The following PPP4R2 variants were observed in gnomAD, a reference collection of about 807,000 sequenced individuals.
PPP4R2 encodes protein phosphatase 4 regulatory subunit 2.
Under a neutral mutation model 47.2 loss-of-function variants are expected in PPP4R2, and 13 were observed. That is an observed-to-expected ratio of 0.28 (90% CI 0.18 to 0.44). PPP4R2 has a LOEUF of 0.44. Among genes scored for constraint, PPP4R2 ranks in the 20% least tolerant of loss-of-function variants. The probability of loss-of-function intolerance (pLI) is 1.00; values close to 1 mark genes in which losing one functional copy is unlikely to be tolerated. For synonymous variants in PPP4R2, 151 were observed against 163.3 expected, an observed-to-expected ratio of 0.92 and a Z score of 0.57; for missense variants, 421 against 491.2, an observed-to-expected ratio of 0.86 and a Z score of 1.35.
At chr3:73,027,996 C>T (rs901229916) in intron 2 of PPP4R2, 9 of 149,876 alleles carry the variant, frequency 6.0e-5, no homozygotes, top group African/African-American at 2.2e-4. Flanking sequence ...GTGAGTCACG[C>T]CTCTAATTCC....
At position 73,064,141 on chromosome 3, in the gene PPP4R2, T is replaced by C. The variant is rs369014599; in HGVS notation, c.633T>C (p.Asn211=). 30 of 1,604,772 alleles carry C rather than the reference T, an allele frequency of 1.9e-5. No individual in the cohort carries two copies. Among genetic ancestry groups the C allele is most frequent in the Non-Finnish European group, 2.5e-5 (29 of 1,177,604 alleles). The change falls in exon 7 of 9, where the codon AAT becomes AAC. Residue 211 remains asparagine (N), a synonymous_variant. Coordinates refer to ENST00000356692, the MANE Select transcript of PPP4R2 (RefSeq NM_174907.4). ...ATTTGCAGCAAAATGAGGAGAAAAA[T>C]CACAGGTTTGTATGTTTTATATTTA... ...EANLQQNEEK[N]HSDSSTSESE... is the part of the protein sequence containing the mutation.
At chr3:72,996,767 G>GGGAGCGAGGACGGCGGCA, upstream of PPP4R2, 3 of 335,582 alleles carry the variant, frequency 8.9e-6, no homozygotes, top group Non-Finnish European at 1.6e-5. Flanking sequence ...AGCGCGCGGC[G>GGGAGCGAGGACGGCGGCA]GGAGCGAGGA....
intron 3 of PPP4R2, among the ~76,000 whole-genome samples, chr3:73,054,981 A>G (rs940506783): frequency 6.6e-6 from 1 of 152,154 alleles, no homozygotes; most frequent in East Asian, 1.9e-4. Context: ...TTGAATTTCC[A>G]TAGCTTTTAG....
chr3:73,063,132 G>A (rs1447807569), intron 5 of PPP4R2: 5 of 513,548 alleles, frequency 9.7e-6, no homozygotes, highest in Admixed American at 7.8e-5. Flanking sequence ...TAGCAACAGC[G>A]GCAAACTACT....
At chr3:73,019,051 C>T (rs1433880367) in intron 2 of PPP4R2, among the ~76,000 whole-genome samples, 1 of 152,110 alleles carries the variant, frequency 6.6e-6, no homozygotes, top group African/African-American at 2.4e-5. Flanking sequence ...ACATTTTAGT[C>T]ATCGATGGAC....
At chr3:73,045,701 A>AT (rs1314896626) in intron 2 of PPP4R2, among the ~76,000 whole-genome samples, 1 of 151,744 alleles carries the variant, frequency 6.6e-6, no homozygotes, top group Non-Finnish European at 1.5e-5. Context: ...TAATTTTTGT[A>AT]TTTTTAGTAA....
intron 2 of PPP4R2, among the ~76,000 whole-genome samples, chr3:73,016,727 T>C (rs1701839589): frequency 7.9e-6 from 1 of 127,072 alleles, no homozygotes; most frequent in African/African-American, 3.0e-5. Flanking sequence ...TATTGGTTCA[T>C]TGTTTATTTT....
At position 73,017,372 on chromosome 3, in the gene PPP4R2, T is replaced by A. The variant is rs1384392065; in HGVS notation, c.116+19214T>A. On this transcript the variant is annotated intron_variant, in intron 2 of 8. Coordinates refer to ENST00000356692, the MANE Select transcript of PPP4R2 (RefSeq NM_174907.4). ...TCTGCCTGTTGTAGCCTGGAAGCTGTGTGTATTTTACAGTCCAGGTCACAG... is the reference window on the plus strand; with the variant it reads ...TCTGCCTGTTGTAGCCTGGAAGCTGAGTGTATTTTACAGTCCAGGTCACAG... 2.0e-5 allele frequency among the ~76,000 whole-genome samples: 3 copies of A among 152,126 alleles called. No homozygotes were observed. The East Asian group carries it at 5.8e-4, about 29-fold the overall frequency.
At chr3:73,007,736 G>A (rs536912885) in intron 2 of PPP4R2, among the ~76,000 whole-genome samples, 2 of 152,284 alleles carry the variant, frequency 1.3e-5, no homozygotes, top group African/African-American at 4.8e-5. Context: ...TGATCGACCC[G>A]TCTCGGCTTC....
At chr3:73,008,044 C>A (rs932614549) in intron 2 of PPP4R2, among the ~76,000 whole-genome samples, 1 of 149,574 alleles carries the variant, frequency 6.7e-6, no homozygotes, top group Non-Finnish European at 1.5e-5. Flanking sequence ...CCCCCACCCC[C>A]CCTCCCATAA....
intron 2 of PPP4R2, among the ~76,000 whole-genome samples, chr3:73,003,919 C>G (rs1043655881): frequency 2.6e-5 from 4 of 152,130 alleles, no homozygotes; most frequent in African/African-American, 9.7e-5. Flanking sequence ...GGGCTGGTCT[C>G]GAACTCCTGA....
intron 2 of PPP4R2, among the ~76,000 whole-genome samples, chr3:73,023,788 C>G (rs1211914323): frequency 6.6e-6 from 1 of 151,768 alleles, no homozygotes; most frequent in East Asian, 1.9e-4. Context: ...AAAAAGTCAC[C>G]GTGAAAAATG....
At chr3:73,016,302 TTC>T (rs1266820981) in intron 2 of PPP4R2, among the ~76,000 whole-genome samples, 2 of 152,170 alleles carry the variant, frequency 1.3e-5, no homozygotes, top group Non-Finnish European at 2.9e-5. Context: ...ATAGCAGTGG[TTC>T]TAAACCAGGG....
At chr3:73,039,036 T>G (rs1702323727) in intron 2 of PPP4R2, among the ~76,000 whole-genome samples, 1 of 152,232 alleles carries the variant, frequency 6.6e-6, no homozygotes, top group Admixed American at 6.5e-5. Context: ...GATAGAAGTT[T>G]ATGAGCAAGA....
At chr3:73,024,404 G>A (rs1029257477) in intron 2 of PPP4R2, among the ~76,000 whole-genome samples, 2 of 152,244 alleles carry the variant, frequency 1.3e-5, no homozygotes, top group South Asian at 2.1e-4. Flanking sequence ...AGAGGATCTT[G>A]TACATTCTGT....
At chr3:73,052,207 A>C (rs1702628771) in intron 3 of PPP4R2, among the ~76,000 whole-genome samples, 1 of 151,898 alleles carries the variant, frequency 6.6e-6, no homozygotes, top group Non-Finnish European at 1.5e-5. Flanking sequence ...CTATTGAGGC[A>C]TAGAAGAATC....
intron 2 of PPP4R2, among the ~76,000 whole-genome samples, chr3:73,023,662 C>T (rs1037287110): frequency 6.6e-6 from 1 of 152,170 alleles, no homozygotes; most frequent in Non-Finnish European, 1.5e-5. Context: ...GAAGACATGA[C>T]AGTCCCTCCA....
intron 2 of PPP4R2, among the ~76,000 whole-genome samples, chr3:72,999,273 T>G (rs1271931038): frequency 1.3e-5 from 2 of 152,222 alleles, no homozygotes; most frequent in Non-Finnish European, 2.9e-5. Context: ...CATTTTTACC[T>G]TCGCATTAGG....
intron 2 of PPP4R2, among the ~76,000 whole-genome samples, chr3:73,004,869 GTT>G (rs10576263): frequency 0.11 from 4,103 of 38,036 alleles, 163 homozygotes; most frequent in African/African-American, 0.33. Context: ...GTGTGTGTGT[GTT>G]TGTTTGTTTG....
Sources: allele counts gnomAD v4.1 joint callset (sites outside exome capture counted in the v4.1 genomes callset), GRCh38; gene constraint gnomAD v4.1.1; transcripts MANE v1.5; gene names NCBI Gene and HGNC (gene_info 2026-07-23, HGNC 2026-07-21).